PPP6R3: variants seen among roughly 807,000 people sequenced by gnomAD.
The protein encoded by PPP6R3 is serine/threonine-protein phosphatase 6 regulatory subunit 3.
A neutral mutation model predicts 110.7 loss-of-function variants in PPP6R3; 38 were observed. The observed-to-expected ratio is 0.34, with a 90% CI of 0.26 to 0.45. The LOEUF is 0.45. PPP6R3 is among the 20% of genes least tolerant of loss of function. PPP6R3 has a pLI of 1.00. For synonymous variants in PPP6R3, 369 were observed against 373.5 expected (o/e 0.99, Z 0.14); for missense variants, 870 against 1,062.4 (o/e 0.82, Z 2.52).
intron 1 of PPP6R3, among the ~76,000 whole-genome samples, chr11:68,490,890 C>T (rs1336583021): frequency 2.0e-5 from 3 of 152,110 alleles, no homozygotes; most frequent in African/African-American, 2.4e-5. Flanking sequence ...GCATATTAAT[C>T]GTGTTTTTTA....
In PPP6R3 at chr11:68,600,431, A is replaced by C. The variant is rs574261412; in HGVS notation, c.2129A>C (p.Glu710Ala). The change falls in exon 20 of 24, where the codon GAG becomes GCG. Residue 710 changes from glutamate to alanine, a missense_variant. Coordinates refer to ENST00000393800, the MANE Select transcript of PPP6R3 (RefSeq NM_001164161.2). The stretch of plus-strand genomic sequence containing the variant: ...GTGGGATCTGATGTCTGGAGCACAG[A>C]GGAGCCGATGCCAACTAAAGAGACG... ...DSVGSDVWST[E>A]EPMPTKETGW... 111 of 1,614,172 alleles carry C rather than the reference A, an allele frequency of 6.9e-5. 1 individual carries two copies. The South Asian group carries it at 1.1e-3, about 15-fold the overall frequency.
intron 5 of PPP6R3, 112 bp downstream of exon 5, chr11:68,548,316 G>T: frequency 7.3e-7 from 1 of 1,369,030 alleles, no homozygotes. Context: ...GTAGCAGAGG[G>T]TTGTCTGGGG....
At chr11:68,608,058 A>G (rs893300422) in intron 22 of PPP6R3, among the ~76,000 whole-genome samples, 1 of 151,996 alleles carries the variant, frequency 6.6e-6, no homozygotes, top group Non-Finnish European at 1.5e-5. Flanking sequence ...AAAGCCTTCA[A>G]AAACAGAAAC....
At chr11:68,493,305 A>G (rs2098994884) in intron 1 of PPP6R3, among the ~76,000 whole-genome samples, 1 of 152,198 alleles carries the variant, frequency 6.6e-6, no homozygotes, top group Admixed American at 6.5e-5. Context: ...ATATTACAGT[A>G]TACATTGGTG....
intron 1 of PPP6R3, among the ~76,000 whole-genome samples, chr11:68,461,364 C>T (rs2098705414): frequency 6.6e-6 from 1 of 151,968 alleles, no homozygotes; most frequent in Non-Finnish European, 1.5e-5. Context: ...TAATTCGCCG[C>T]AGAGTCATCG....
At chr11:68,513,848 T>C (rs1258402998) in intron 1 of PPP6R3, among the ~76,000 whole-genome samples, 2 of 152,246 alleles carry the variant, frequency 1.3e-5, no homozygotes, top group Non-Finnish European at 2.9e-5. Context: ...GTAAAACAGT[T>C]GAAACTTCCT....
At chr11:68,592,982 C>T in intron 18 of PPP6R3, among the ~76,000 whole-genome samples, 1 of 152,176 alleles carries the variant, frequency 6.6e-6, no homozygotes, top group Non-Finnish European at 1.5e-5. Flanking sequence ...ACCTGATACC[C>T]AGAGGGAACA....
chr11:68,583,183 G>T (rs1352956005), intron 15 of PPP6R3, 54 bp downstream of exon 15: 2 of 1,345,540 alleles, frequency 1.5e-6, no homozygotes, highest in Non-Finnish European at 2.0e-6. Context: ...GCTTAGTTTA[G>T]TTGCCTTTTA....
rs201177524 is a variant in PPP6R3 at position 68,609,972 on chromosome 11, C to T, written c.2519C>T (p.Ala840Val). ...CKDAEECPET[A>V]EAKCAAPRPP... ...GACGCAGAGGAGTGTCCCGAGACTGCAGAGGCGAAGTGCGCGGCGCCCAGG... is the reference window on the plus strand; with the variant it reads ...GACGCAGAGGAGTGTCCCGAGACTGTAGAGGCGAAGTGCGCGGCGCCCAGG... The change falls in exon 23 of 24, where the codon GCA becomes GTA. Residue 840 changes from alanine to valine, a missense_variant. By Grantham distance (64) the Ala-to-Val change is moderately conservative. Coordinates refer to ENST00000393800, the MANE Select transcript of PPP6R3 (RefSeq NM_001164161.2). 6.8e-6 allele frequency: 11 copies of T among 1,614,054 alleles called. No homozygotes were observed. The highest frequency in any genetic ancestry group is 1.1e-5 in the South Asian group (1 of 91,084).
intron 1 of PPP6R3, among the ~76,000 whole-genome samples, chr11:68,491,852 A>C (rs1246464732): frequency 6.6e-6 from 1 of 152,092 alleles, no homozygotes; most frequent in East Asian, 1.9e-4. Flanking sequence ...CAGTAACACT[A>C]ACGATAGCTG....
chr11:68,505,785 A>G (rs1197340998), intron 1 of PPP6R3, among the ~76,000 whole-genome samples: 1 of 152,146 alleles, frequency 6.6e-6, no homozygotes, highest in African/African-American at 2.4e-5. Context: ...GGAACTGGAC[A>G]GCTCAGCCGT....
intron 11 of PPP6R3, among the ~76,000 whole-genome samples, chr11:68,570,312 C>G (rs566792862): frequency 6.6e-6 from 1 of 152,176 alleles, no homozygotes; most frequent in Non-Finnish European, 1.5e-5. Context: ...GAGAGTCTTC[C>G]TGGGGTCTCT....
At position 68,614,355 on chromosome 11, in the gene PPP6R3, C is replaced by T. The variant is rs1944782481; in HGVS notation, c.*1238C>T. 8.5e-7 allele frequency: 1 copy of T among 1,181,844 alleles called. No homozygotes were observed. Among genetic ancestry groups the T allele is most frequent in the African/African-American group, 1.6e-5 (1 of 61,066 alleles). The allele number at this position is 1,181,844 out of a possible 1,614,324, so 73.2% of individuals were successfully genotyped here. A position where few individuals can be genotyped will look rare whatever the true frequency, so the allele number is the denominator to read the frequency against. On this transcript the variant is annotated 3_prime_UTR_variant, in exon 24 of 24. Coordinates refer to ENST00000393800, the MANE Select transcript of PPP6R3 (RefSeq NM_001164161.2). ...AGCTCAAGCAATATATTGTATATTG[C>T]CATATCGTCTGGTGAAAGGGTTAAA... is the stretch of plus-strand genomic sequence containing the variant.
intron 16 of PPP6R3, among the ~76,000 whole-genome samples, chr11:68,590,313 G>A (rs948476988): frequency 6.6e-6 from 1 of 152,070 alleles, no homozygotes; most frequent in African/African-American, 2.4e-5. Flanking sequence ...TTCATGTTTT[G>A]ACTTGGTTCT....
intron 3 of PPP6R3, among the ~76,000 whole-genome samples, chr11:68,538,867 C>G (rs942328970): frequency 2.0e-5 from 3 of 152,158 alleles, no homozygotes; most frequent in African/African-American, 7.2e-5. Flanking sequence ...TGCCTGTAAT[C>G]CCAGCACTGT....
intron 1 of PPP6R3, 117 bp downstream of exon 1, chr11:68,460,944 C>T (rs2098699426): frequency 2.0e-5 from 3 of 151,788 alleles, no homozygotes; most frequent in South Asian, 4.1e-4. Context: ...ACGTCCCGGC[C>T]CCTCTCCCCT....
intron 1 of PPP6R3, among the ~76,000 whole-genome samples, chr11:68,507,498 A>C (rs547907456): frequency 6.6e-6 from 1 of 152,100 alleles, no homozygotes; most frequent in African/African-American, 2.4e-5. Context: ...TTTGTATTCA[A>C]AATTTTGTGG....
intron 1 of PPP6R3, among the ~76,000 whole-genome samples, chr11:68,493,974 G>C (rs1353868335): frequency 6.6e-6 from 1 of 151,288 alleles, no homozygotes; most frequent in Non-Finnish European, 1.5e-5. Context: ...GTGGTGGCGG[G>C]AGCCTGTAGT....
intron 1 of PPP6R3, among the ~76,000 whole-genome samples, chr11:68,496,064 A>G (rs538462121): frequency 6.6e-6 from 1 of 152,144 alleles, no homozygotes; most frequent in Non-Finnish European, 1.5e-5. Flanking sequence ...AGCTCACTGC[A>G]TGATAGCCTT....
Sources: gnomAD v4.1 joint callset for allele counts (sites outside exome capture counted in the v4.1 genomes callset) on GRCh38, gnomAD v4.1.1 for gene constraint, MANE v1.5 for transcripts, NCBI Gene and HGNC (gene_info 2026-07-23, HGNC 2026-07-21) for gene names.